The following GLRA3 variants were observed in gnomAD, a reference collection of about 807,000 sequenced individuals.
GLRA3 encodes the protein glycine receptor subunit alpha-3.
Under a neutral mutation model 60.4 loss-of-function variants are expected in GLRA3, and 44 were observed. The observed-to-expected ratio is 0.73, with a 90% CI of 0.57 to 0.94. The LOEUF (loss-of-function observed/expected upper bound fraction) is 0.94. Among genes scored for constraint, GLRA3 ranks in the 40% least tolerant of loss-of-function variants. GLRA3 has a pLI of 0.00. For synonymous variants in GLRA3, 223 were observed against 192.9 expected (o/e 1.16, Z -1.29); for missense variants, 508 against 564.6 (o/e 0.90, Z 1.02).
intron 5 of GLRA3, among the ~76,000 whole-genome samples, chr4:174,700,052 G>A (rs556775578): frequency 2.0e-5 from 3 of 152,210 alleles, no homozygotes; most frequent in African/African-American, 4.8e-5. Flanking sequence ...AAGGTACAGA[G>A]TTTGTATAGC....
intron 2 of GLRA3, among the ~76,000 whole-genome samples, chr4:174,786,342 G>C (rs901295482): frequency 6.6e-6 from 1 of 151,870 alleles, no homozygotes; most frequent in South Asian, 2.1e-4. Context: ...ATATTATCAG[G>C]AGAACAGGTT....
At chr4:174,731,076 G>A (rs1359711297) in intron 3 of GLRA3, among the ~76,000 whole-genome samples, 1 of 152,074 alleles carries the variant, frequency 6.6e-6, no homozygotes, top group Non-Finnish European at 1.5e-5. Flanking sequence ...CTTTGGTTCA[G>A]GGCCAGGGTT....
At chr4:174,720,680 G>A (rs1277997287) in intron 4 of GLRA3, among the ~76,000 whole-genome samples, 1 of 152,088 alleles carries the variant, frequency 6.6e-6, no homozygotes, top group Non-Finnish European at 1.5e-5. Flanking sequence ...TGATAATTTT[G>A]AGAGATGAGA....
At chr4:174,778,991 C>T (rs1738745773) in intron 2 of GLRA3, among the ~76,000 whole-genome samples, 1 of 152,328 alleles carries the variant, frequency 6.6e-6, no homozygotes. Context: ...GGCCTGCCTG[C>T]CTCTGTAGGC....
At chr4:174,706,463 T>A (rs1735526090) in intron 5 of GLRA3, among the ~76,000 whole-genome samples, 1 of 152,108 alleles carries the variant, frequency 6.6e-6, no homozygotes, top group Non-Finnish European at 1.5e-5. Flanking sequence ...TGAAAAAGTA[T>A]ACAAAAGTGA....
At chr4:174,790,823 T>TAAAAAAAAAAAAA in intron 1 of GLRA3, among the ~76,000 whole-genome samples, 1 of 16,966 alleles carries the variant, frequency 5.9e-5, no homozygotes. Flanking sequence ...TACTAAAAAA[T>TAAAAAAAAAAAAA]ACAAAAAAAA....
chr4:174,752,794 C>T (rs534826504), intron 3 of GLRA3, among the ~76,000 whole-genome samples: 7 of 152,132 alleles, frequency 4.6e-5, no homozygotes, highest in Middle Eastern at 3.4e-3. Context: ...ATGTTATAAG[C>T]TCATTTTTGT....
chr4:174,676,884 A>G (rs1313746424), intron 7 of GLRA3, among the ~76,000 whole-genome samples, 194 bp downstream of exon 7: 1 of 152,200 alleles, frequency 6.6e-6, no homozygotes, highest in Non-Finnish European at 1.5e-5. Context: ...TGAATAGCGG[A>G]TATCACTGGT....
chr4:174,721,023 G>GTGTGTGTT (rs972314937), intron 4 of GLRA3, among the ~76,000 whole-genome samples: 2 of 138,318 alleles, frequency 1.4e-5, no homozygotes, highest in African/African-American at 6.3e-5. Flanking sequence ...GTGTGTGTGT[G>GTGTGTGTT]TGTGTGTGTG....
At chr4:174,689,648 C>T (rs11941474) in intron 5 of GLRA3, among the ~76,000 whole-genome samples, 1 of 150,202 alleles carries the variant, frequency 6.7e-6, no homozygotes, top group African/African-American at 2.5e-5. Context: ...CACTATCCAC[C>T]GTAGCAAAGA....
At chr4:174,678,277 G>A (rs1167193400) in intron 6 of GLRA3, among the ~76,000 whole-genome samples, 3 of 152,038 alleles carry the variant, frequency 2.0e-5, no homozygotes, top group African/African-American at 7.2e-5. Context: ...TTTTTTGCTT[G>A]TGTCCTGGTT....
At chr4:174,679,368 A>G (rs964683146) in intron 6 of GLRA3, among the ~76,000 whole-genome samples, 14 of 152,126 alleles carry the variant, frequency 9.2e-5, no homozygotes, top group East Asian at 3.9e-4. Flanking sequence ...TCTCACCCCA[A>G]TGAAATAACT....
At chr4:174,743,673 T>C (rs934852622) in intron 3 of GLRA3, among the ~76,000 whole-genome samples, 1 of 152,212 alleles carries the variant, frequency 6.6e-6, no homozygotes, top group Non-Finnish European at 1.5e-5. Flanking sequence ...ATGGTAAAGA[T>C]ATAGTGAAGC....
At chr4:174,754,547 T>C (rs769203535) in intron 3 of GLRA3, among the ~76,000 whole-genome samples, 2 of 152,066 alleles carry the variant, frequency 1.3e-5, no homozygotes, top group African/African-American at 4.8e-5. Flanking sequence ...TACATGAACA[T>C]TGTTGAATTT....
At chr4:174,731,483 AATTACATCTCT>A (rs1736545528) in intron 3 of GLRA3, among the ~76,000 whole-genome samples, 1 of 152,200 alleles carries the variant, frequency 6.6e-6, no homozygotes, top group African/African-American at 2.4e-5. Context: ...CAAAAGGTTA[AATTACATCTCT>A]ACATGACGCT....
intron 2 of GLRA3, 132 bp downstream of exon 2, chr4:174,788,684 C>A: frequency 2.2e-6 from 1 of 457,078 alleles, no homozygotes; most frequent in Non-Finnish European, 3.6e-6. Flanking sequence ...TTCAAGACAC[C>A]TTGGTGACTA....
chr4:174,667,115 G>A (rs1561042700), intron 7 of GLRA3, among the ~76,000 whole-genome samples: 1 of 152,044 alleles, frequency 6.6e-6, no homozygotes, highest in Non-Finnish European at 1.5e-5. Flanking sequence ...CAAGTCGCTG[G>A]TGGTTCTCAC....
chr4:174,680,194 T>A (rs1734286321), intron 6 of GLRA3, among the ~76,000 whole-genome samples: 1 of 152,236 alleles, frequency 6.6e-6, no homozygotes, highest in East Asian at 1.9e-4. Flanking sequence ...AATAAAGGGA[T>A]ACACACATGA....
At chr4:174,817,961 AT>A (rs1234466405) in intron 1 of GLRA3, among the ~76,000 whole-genome samples, 2 of 152,140 alleles carry the variant, frequency 1.3e-5, no homozygotes, top group African/African-American at 4.8e-5. Flanking sequence ...CTAAGTATAT[AT>A]TTTCTGCTAA....
Sources: gnomAD v4.1 joint callset for allele counts (sites outside exome capture counted in the v4.1 genomes callset) on GRCh38, gnomAD v4.1.1 for gene constraint, MANE v1.5 for transcripts, NCBI Gene and HGNC (gene_info 2026-07-23, HGNC 2026-07-21) for gene names.